Variants in LSAMP observed in about 807,000 individuals in gnomAD.
LSAMP encodes the protein limbic system associated membrane protein, also known as limbic system-associated membrane protein.
LSAMP carries 7 observed loss-of-function variants against 38.6 expected under a neutral mutation model. The ratio of observed to expected loss-of-function variants is 0.18; its 90% CI spans 0.10 to 0.34. LSAMP has a LOEUF of 0.34. Among genes scored for constraint, LSAMP ranks in the 10% least tolerant of loss-of-function variants. The pLI is 1.00. For synonymous variants in LSAMP, 154 were observed against 166.8 expected (o/e 0.92, Z 0.59); for missense variants, 313 against 420.0 (o/e 0.75, Z 2.23).
At chr3:115,902,149 AAAG>A (rs1936891731) in intron 3 of LSAMP, among the ~76,000 whole-genome samples, 1 of 152,116 alleles carries the variant, frequency 6.6e-6, no homozygotes, top group African/African-American at 2.4e-5. Context: ...TTTATATTAT[AAAG>A]AAATACTTGT....
intron 1 of LSAMP, among the ~76,000 whole-genome samples, chr3:116,195,716 A>T (rs1431621335): frequency 5.4e-5 from 3 of 55,672 alleles, no homozygotes; most frequent in Non-Finnish European, 1.5e-4. Flanking sequence ...AGAAAAAAAA[A>T]TGAAAAAAAA....
rs1041792889 is a variant in LSAMP, at chr3:115,804,941, A to G, written c.*5376T>C. The stretch of plus-strand genomic sequence containing the variant: ...ACTCAGCAAGATATTTCTCGAGGAT[A>G]TAACATTTTTTATATTGCACAATTT... On this transcript the variant is annotated 3_prime_UTR_variant, in exon 7 of 7. Coordinates refer to ENST00000490035, the MANE Select transcript of LSAMP (RefSeq NM_002338.5). The G allele has an allele frequency of 6.6e-6, 1 of 152,242 alleles. No homozygotes were observed. Among genetic ancestry groups the G allele is most frequent in the Non-Finnish European group, 1.5e-5 (1 of 68,044 alleles). 9.4% of individuals were successfully genotyped at this position (152,242 alleles called of 1,614,324 possible).
intron 3 of LSAMP, among the ~76,000 whole-genome samples, chr3:115,996,149 G>T (rs1304853585): frequency 6.6e-6 from 1 of 152,034 alleles, no homozygotes; most frequent in Non-Finnish European, 1.5e-5. Context: ...TTCCTAAAGT[G>T]TGCTAATTAA....
At chr3:116,284,432 G>C (rs1285897853) in intron 1 of LSAMP, among the ~76,000 whole-genome samples, 4 of 152,186 alleles carry the variant, frequency 2.6e-5, no homozygotes, top group Non-Finnish European at 5.9e-5. Flanking sequence ...GCTTCAAAAG[G>C]ACCTTGGAAG....
intron 1 of LSAMP, among the ~76,000 whole-genome samples, chr3:116,131,240 C>G (rs1237894727): frequency 6.6e-6 from 1 of 151,996 alleles, no homozygotes; most frequent in South Asian, 2.1e-4. Context: ...ATCCGCCCAC[C>G]TTGGCCTCCC....
intron 6 of LSAMP, among the ~76,000 whole-genome samples, chr3:115,813,566 T>C (rs1933911101): frequency 6.6e-6 from 1 of 152,110 alleles, no homozygotes; most frequent in Admixed American, 6.5e-5. Flanking sequence ...TCAATTATTA[T>C]TTATTAAGTG....
At chr3:115,972,826 A>G (rs1053194442) in intron 3 of LSAMP, among the ~76,000 whole-genome samples, 1 of 150,138 alleles carries the variant, frequency 6.7e-6, no homozygotes, top group Non-Finnish European at 1.5e-5. Flanking sequence ...ATTTAGCATG[A>G]CAATGCATGT....
At chr3:116,317,400 G>A (rs2047645430) in intron 1 of LSAMP, among the ~76,000 whole-genome samples, 1 of 148,822 alleles carries the variant, frequency 6.7e-6, no homozygotes, top group African/African-American at 2.5e-5. Context: ...CTGTCTCCCA[G>A]GCTGGAGCGC....
At chr3:116,434,253 T>C (rs968079693) in intron 1 of LSAMP, among the ~76,000 whole-genome samples, 6 of 152,168 alleles carry the variant, frequency 3.9e-5, no homozygotes, top group African/African-American at 1.4e-4. Context: ...AGTACAACCA[T>C]CTTTCTCTGT....
intron 1 of LSAMP, among the ~76,000 whole-genome samples, chr3:116,432,995 G>T (rs1559866445): frequency 6.6e-6 from 1 of 152,200 alleles, no homozygotes; most frequent in Non-Finnish European, 1.5e-5. Flanking sequence ...TCATGAACTT[G>T]TATAAGGTGA....
chr3:116,409,243 G>A (rs4831136), intron 1 of LSAMP, among the ~76,000 whole-genome samples: 29,224 of 151,950 alleles, frequency 0.19, 3,787 homozygotes, highest in African/African-American at 0.37. Flanking sequence ...TGTGGGCAAA[G>A]TGTAGTTTCC....
At chr3:116,115,770 T>G (rs1027909561) in intron 1 of LSAMP, among the ~76,000 whole-genome samples, 4 of 149,614 alleles carry the variant, frequency 2.7e-5, no homozygotes, top group African/African-American at 9.7e-5. Flanking sequence ...ACTTCTAAAT[T>G]CCAGTATTGC....
At chr3:116,300,595 T>C (rs12636797) in intron 1 of LSAMP, among the ~76,000 whole-genome samples, 34,200 of 152,148 alleles carry the variant, frequency 0.22, 4,875 homozygotes, top group Non-Finnish European at 0.31. Context: ...GCGTGAACCC[T>C]TTTGTGAACT....
intron 1 of LSAMP, among the ~76,000 whole-genome samples, chr3:116,210,058 T>G (rs929887808): frequency 3.3e-5 from 5 of 152,058 alleles, no homozygotes; most frequent in African/African-American, 1.2e-4. Flanking sequence ...CCGGCCGAGA[T>G]TTTATATTTT....
intron 1 of LSAMP, among the ~76,000 whole-genome samples, chr3:116,340,645 A>C (rs1020150594): frequency 9.2e-5 from 14 of 152,054 alleles, no homozygotes; most frequent in Non-Finnish European, 1.9e-4. Flanking sequence ...GTTAGAAAAA[A>C]ACTACATATT....
At chr3:116,033,317 G>A (rs2107706896) in intron 2 of LSAMP, among the ~76,000 whole-genome samples, 1 of 152,190 alleles carries the variant, frequency 6.6e-6, no homozygotes, top group African/African-American at 2.4e-5. Flanking sequence ...TCCCAAATGG[G>A]GCAAGCCTCT....
At chr3:116,127,062 C>G (rs1483161308) in intron 1 of LSAMP, among the ~76,000 whole-genome samples, 2 of 152,156 alleles carry the variant, frequency 1.3e-5, no homozygotes, top group Non-Finnish European at 2.9e-5. Context: ...ATAAAATTCT[C>G]TTATGCCTGG....
intron 1 of LSAMP, among the ~76,000 whole-genome samples, chr3:116,273,707 T>TATACACAC (rs1307543165): frequency 2.9e-5 from 3 of 102,608 alleles, no homozygotes; most frequent in African/African-American, 1.4e-4. Flanking sequence ...TATATATATA[T>TATACACAC]ACACACACAC....
chr3:115,901,624 GA>G (rs1936876635), intron 3 of LSAMP, among the ~76,000 whole-genome samples: 1 of 152,100 alleles, frequency 6.6e-6, no homozygotes, highest in Non-Finnish European at 1.5e-5. Context: ...ATCGAAGTCA[GA>G]ATATTGTTAA....
Sources: allele counts gnomAD v4.1 joint callset (sites outside exome capture counted in the v4.1 genomes callset), GRCh38; gene constraint gnomAD v4.1.1; transcripts MANE v1.5; gene names NCBI Gene and HGNC (gene_info 2026-07-23, HGNC 2026-07-21).